STK32A: variants seen among roughly 807,000 people sequenced by gnomAD.
The protein encoded by STK32A is serine/threonine kinase 32A.
STK32A carries 41 observed loss-of-function variants against 53.2 expected under a neutral mutation model. The ratio of observed to expected loss-of-function variants is 0.77; its 90% CI spans 0.60 to 1.00. The LOEUF (loss-of-function observed/expected upper bound fraction) is 1.00, where lower values mean the gene tolerates loss of function less well. STK32A is among the 50% of genes least tolerant of loss of function. The pLI is 0.00. For synonymous variants in STK32A, 166 were observed against 162.8 expected, an observed-to-expected ratio of 1.02 and a Z score of -0.15; for missense variants, 458 against 485.8, an observed-to-expected ratio of 0.94 and a Z score of 0.54.
At chr5:147,399,148 A>G in the STK32A span, 2 of 1,614,140 alleles carry the variant, frequency 1.2e-6, no homozygotes, top group African/African-American at 2.7e-5. Flanking sequence ...GGTCGCTGTC[A>G]GAACCCACAG....
chr5:147,266,465 AG>A (rs752224313), intron 2 of STK32A, among the ~76,000 whole-genome samples: 1 of 152,214 alleles, frequency 6.6e-6, no homozygotes, highest in Non-Finnish European at 1.5e-5. Flanking sequence ...TGATGTGCTA[AG>A]AAATCAACAT....
At chr5:147,395,585 A>T in the STK32A span, 1 of 1,613,696 alleles carries the variant, frequency 6.2e-7, no homozygotes, top group Non-Finnish European at 8.5e-7. Flanking sequence ...CGACTGATGA[A>T]GATTCCTCAC....
At chr5:147,397,917 C>T in the STK32A span, 2 of 1,394,188 alleles carry the variant, frequency 1.4e-6, no homozygotes, top group Non-Finnish European at 1.9e-6. Context: ...CTCCTTGAGA[C>T]CTTCAGTGTC....
chr5:147,307,736 G>C (rs565561338), intron 4 of STK32A, among the ~76,000 whole-genome samples: 1 of 151,842 alleles, frequency 6.6e-6, no homozygotes, highest in South Asian at 2.1e-4. Flanking sequence ...CTACAGTCTA[G>C]GATCAAGTTT....
chr5:147,330,603 G>A lies in STK32A; in HGVS notation c.434+6532G>A, dbSNP rs536858536. On this transcript the variant is annotated intron_variant, in intron 5 of 12. Transcript: ENST00000397936. ...AATTTCTGCTATGACCTTAAATATA[G>A]CCCTGAACTTCCCTGTCAAGGAAGA... Among the ~76,000 whole-genome samples the A allele has an allele frequency of 2.0e-5, 3 of 152,308 alleles. No individual in the cohort carries two copies. In the East Asian group the frequency reaches 5.8e-4, roughly 29 times the overall value.
At chr5:147,337,669 A>C (rs1440214866) in intron 5 of STK32A, among the ~76,000 whole-genome samples, 1 of 151,848 alleles carries the variant, frequency 6.6e-6, no homozygotes, top group East Asian at 1.9e-4. Context: ...CAATACAGAA[A>C]AGAAGTCCTT....
At chr5:147,389,592 A>G (rs12513884), downstream of STK32A, among the ~76,000 whole-genome samples, 2,001 of 152,296 alleles carry the variant, frequency 0.013, 143 homozygotes, top group East Asian at 0.2. Flanking sequence ...CCACATAAAA[A>G]GAGCTTTCCT....
chr5:147,284,711 A>AC (rs929206726), intron 4 of STK32A, among the ~76,000 whole-genome samples: 2 of 151,646 alleles, frequency 1.3e-5, no homozygotes, highest in African/African-American at 4.8e-5. Flanking sequence ...AAACAACAAA[A>AC]AAAAAACAAA....
At chr5:147,382,522 C>G (rs1442677062) in intron 11 of STK32A, among the ~76,000 whole-genome samples, 2 of 152,064 alleles carry the variant, frequency 1.3e-5, no homozygotes, top group African/African-American at 4.8e-5. Context: ...TTGTATTGGA[C>G]ACTTGAATCT....
At chr5:147,360,450 C>CAAAAAAAA (rs56690647) in intron 7 of STK32A, among the ~76,000 whole-genome samples, 2 of 81,176 alleles carry the variant, frequency 2.5e-5, no homozygotes, top group African/African-American at 8.8e-5. Flanking sequence ...GATTCTGTCT[C>CAAAAAAAA]AAAAAAAAAA....
Position 147,375,186 on chromosome 5 carries a change from GAGA to G in STK32A, c.1003_1005del (p.Lys335del), listed in dbSNP as rs759390827. The G allele has an allele frequency of 6.2e-7, 1 of 1,611,024 alleles. No homozygotes were observed. ...GAAAAAAAAGCGTCTGGCAAAGAAG[GAGA>G]AGGATATGAGGAAATGCGATTCTTC... is the stretch of plus-strand genomic sequence containing the variant. On this transcript the variant is annotated inframe_deletion, in exon 11 of 13. Transcript: ENST00000397936.
At chr5:147,360,639 C>T (rs961904740) in intron 7 of STK32A, among the ~76,000 whole-genome samples, 1 of 152,136 alleles carries the variant, frequency 6.6e-6, no homozygotes, top group Non-Finnish European at 1.5e-5. Context: ...CTAATGATCA[C>T]AACTATTGCT....
At chr5:147,350,934 C>G in intron 6 of STK32A, 131 bp from the exon 7 acceptor site, 1 of 688,646 alleles carries the variant, frequency 1.5e-6, no homozygotes. Context: ...AAGACCATAT[C>G]GGCCTTGAGG....
intron 5 of STK32A, among the ~76,000 whole-genome samples, chr5:147,326,748 C>A (rs957137267): frequency 6.6e-6 from 1 of 152,110 alleles, no homozygotes; most frequent in East Asian, 1.9e-4. Context: ...TATTTATCAT[C>A]CAAACCAGGA....
intron 4 of STK32A, among the ~76,000 whole-genome samples, chr5:147,315,776 G>A (rs1753964050): frequency 6.6e-6 from 1 of 152,124 alleles, no homozygotes; most frequent in Non-Finnish European, 1.5e-5. Flanking sequence ...AGTTACCAGT[G>A]GGGAAAAGGA....
chr5:147,313,486 C>G (rs1435698296), intron 4 of STK32A, among the ~76,000 whole-genome samples: 1 of 152,148 alleles, frequency 6.6e-6, no homozygotes, highest in East Asian at 1.9e-4. Flanking sequence ...GCACTGTGGC[C>G]TCAAATTTAT....
intron 4 of STK32A, among the ~76,000 whole-genome samples, chr5:147,289,391 G>C (rs1300122927): frequency 6.6e-6 from 1 of 151,948 alleles, no homozygotes; most frequent in African/African-American, 2.4e-5. Context: ...TGCTGTGTAG[G>C]CCTCTCAATA....
At chr5:147,277,448 ACT>A (rs1358434022) in intron 2 of STK32A, among the ~76,000 whole-genome samples, 1 of 152,086 alleles carries the variant, frequency 6.6e-6, no homozygotes, top group Non-Finnish European at 1.5e-5. Context: ...TGGAGGATCG[ACT>A]CTACTTCAAA....
intron 11 of STK32A, among the ~76,000 whole-genome samples, chr5:147,377,067 G>A (rs1757260143): frequency 6.6e-6 from 1 of 151,938 alleles, no homozygotes; most frequent in Non-Finnish European, 1.5e-5. Flanking sequence ...TTTTAATATT[G>A]GTGTTTATAG....
Sources: gnomAD v4.1 joint callset for allele counts (sites outside exome capture counted in the v4.1 genomes callset) on GRCh38, gnomAD v4.1.1 for gene constraint, MANE v1.5 for transcripts, NCBI Gene and HGNC (gene_info 2026-07-23, HGNC 2026-07-21) for gene names.